Variants in ACVR1C observed in about 807,000 individuals in gnomAD.
ACVR1C encodes the protein activin receptor type-1C.
ACVR1C carries 23 observed loss-of-function variants against 57.9 expected under a neutral mutation model. That is an observed-to-expected ratio of 0.40 (90% CI 0.29 to 0.56). ACVR1C has a LOEUF of 0.56. ACVR1C is among the 20% of genes least tolerant of loss of function. ACVR1C has a pLI of 0.50. For synonymous variants in ACVR1C, 214 were observed against 215.3 expected (o/e 0.99, Z 0.05); for missense variants, 480 against 607.9 (o/e 0.79, Z 2.21).
chr2:157,600,606 A>G (rs1320314234), intron 1 of ACVR1C, among the ~76,000 whole-genome samples: 2 of 152,228 alleles, frequency 1.3e-5, no homozygotes, highest in African/African-American at 4.8e-5. Flanking sequence ...TTTTACCACA[A>G]TCCACAGTTA....
At chr2:157,544,392 G>A in intron 5 of ACVR1C, 53 bp downstream of exon 5, 2 of 1,471,514 alleles carry the variant, frequency 1.4e-6, no homozygotes, top group Non-Finnish European at 9.2e-7. Flanking sequence ...ATATAACTAA[G>A]TACCTCTATC....
At chr2:157,576,837 T>TAATGAGAATA (rs1558984202) in intron 2 of ACVR1C, among the ~76,000 whole-genome samples, 5 of 49,958 alleles carry the variant, frequency 1.0e-4, no homozygotes, top group South Asian at 5.0e-4. Context: ...GAAATTTTCT[T>TAATGAGAATA]TTTTTTTTTT....
At position 157,542,818 on chromosome 2, in the gene ACVR1C, A is replaced by T; in HGVS notation, c.988T>A (p.Leu330Ile). ...AHRDIKSKNI[L>I]VKKCETCAIA... ...GCACAAGTTTCACACTTTTTCACTA[A>T]GATATTCTTTGATTTTATGTCTCGA... Residue 330 changes from leucine to isoleucine, a missense_variant, in exon 6 of 9, where the codon TTA (leucine) becomes ATA (isoleucine). By Grantham distance (5) the Leu-to-Ile change is conservative. Coordinates refer to ENST00000243349, the MANE Select transcript of ACVR1C (RefSeq NM_145259.3). The T allele has an allele frequency of 6.2e-7, 1 of 1,614,078 alleles. No homozygotes were observed. The highest frequency in any genetic ancestry group is 8.5e-7 in the Non-Finnish European group (1 of 1,179,972).
At chr2:157,535,998 G>A (rs1687478377) in intron 8 of ACVR1C, among the ~76,000 whole-genome samples, 1 of 152,020 alleles carries the variant, frequency 6.6e-6, no homozygotes, top group African/African-American at 2.4e-5. Context: ...GAGTCTAAAT[G>A]CTCTAAAATA....
chr2:157,533,822 GA>G lies in ACVR1C; in HGVS notation c.*95del. On this transcript the variant is annotated 3_prime_UTR_variant, in exon 9 of 9. Coordinates refer to ENST00000243349, the MANE Select transcript of ACVR1C (RefSeq NM_145259.3). Reference sequence around the variant, plus strand: ...TTAAATACTGTACTGTCTTATCTTTGAGGTAGAACAAAAAAAAAATGGCAAA... The same window carrying G: ...TTAAATACTGTACTGTCTTATCTTTGGGTAGAACAAAAAAAAAATGGCAAA... 1 of 1,285,690 alleles carries G rather than the reference GA, an allele frequency of 7.8e-7. No homozygotes were observed. Among genetic ancestry groups the G allele is most frequent in the Non-Finnish European group, 1.0e-6 (1 of 967,586 alleles). The allele number at this position is 1,285,690 out of a possible 1,614,324, so 79.6% of individuals were successfully genotyped here.
intron 1 of ACVR1C, among the ~76,000 whole-genome samples, chr2:157,598,082 T>C (rs1432007157): frequency 6.6e-6 from 1 of 152,066 alleles, no homozygotes; most frequent in Non-Finnish European, 1.5e-5. Context: ...CATAAAATCA[T>C]ACCTGATAAT....
intron 5 of ACVR1C, among the ~76,000 whole-genome samples, chr2:157,543,679 C>T (rs1297473906): frequency 6.6e-6 from 1 of 152,172 alleles, no homozygotes; most frequent in Non-Finnish European, 1.5e-5. Context: ...CCTGTCTAGA[C>T]TAATTGACTC....
chr2:157,546,923 C>G (rs544868401), intron 4 of ACVR1C, among the ~76,000 whole-genome samples: 3 of 151,136 alleles, frequency 2.0e-5, no homozygotes, highest in Admixed American at 1.3e-4. Context: ...CCCACTAACT[C>G]GTCATCTAGC....
rs1213006971 is a variant in ACVR1C, at chr2:157,550,032, AG to A, written c.775+129del. 8.5e-4 allele frequency: 655 copies of A among 769,940 alleles called. 2 individuals carry two copies. In the African/African-American group the frequency reaches 0.011, roughly 12 times the overall value. The allele number at this position is 769,940 out of a possible 1,614,324, so 47.7% of individuals were successfully genotyped here. A position where few individuals can be genotyped will look rare whatever the true frequency, so the allele number is the denominator to read the frequency against. On this transcript the variant is annotated intron_variant, in intron 4 of 8. Coordinates refer to ENST00000243349, the MANE Select transcript of ACVR1C (RefSeq NM_145259.3). Reference sequence around the variant, plus strand: ...AAAAAAAAAAAGAAAGAAAAGGAAAAGGAAAAAAAAAAAAAGAAGAGGTGAA... The same window carrying A: ...AAAAAAAAAAAGAAAGAAAAGGAAAAGAAAAAAAAAAAAAGAAGAGGTGAA...
intron 1 of ACVR1C, among the ~76,000 whole-genome samples, chr2:157,601,349 G>T (rs1371396744): frequency 6.6e-6 from 1 of 151,968 alleles, no homozygotes; most frequent in Non-Finnish European, 1.5e-5. Context: ...AAATAAAAAA[G>T]AAGGTAGGTT....
chr2:157,574,957 T>C (rs554202732), intron 2 of ACVR1C, among the ~76,000 whole-genome samples: 1 of 152,226 alleles, frequency 6.6e-6, no homozygotes, highest in East Asian at 1.9e-4. Context: ...TTCTGTTTTG[T>C]ATTTTTTATT....
At chr2:157,554,186 A>G (rs534840233) in intron 3 of ACVR1C, among the ~76,000 whole-genome samples, 1 of 147,546 alleles carries the variant, frequency 6.8e-6, no homozygotes, top group South Asian at 2.1e-4. Flanking sequence ...CTGGAAAAAA[A>G]AAAAATAAAG....
chr2:157,545,012 G>C (rs1687717458), intron 4 of ACVR1C, among the ~76,000 whole-genome samples: 1 of 152,024 alleles, frequency 6.6e-6, no homozygotes, highest in Non-Finnish European at 1.5e-5. Flanking sequence ...ATAAAGATCA[G>C]AAATATAACA....
At chr2:157,623,854 C>T (rs763399931) in intron 1 of ACVR1C, among the ~76,000 whole-genome samples, 4 of 151,884 alleles carry the variant, frequency 2.6e-5, no homozygotes, top group Admixed American at 6.6e-5. Context: ...CTCATGTACC[C>T]CATACATATA....
chr2:157,594,419 G>T (rs1272616358), intron 1 of ACVR1C, among the ~76,000 whole-genome samples: 4 of 152,160 alleles, frequency 2.6e-5, no homozygotes, highest in Non-Finnish European at 4.4e-5. Context: ...TGAAAAGAGA[G>T]AATTGGTGTT....
At chr2:157,550,019 A>T (rs1266022278) in intron 4 of ACVR1C, 143 bp downstream of exon 4, 1 of 738,840 alleles carries the variant, frequency 1.4e-6, no homozygotes, top group Non-Finnish European at 2.1e-6. Flanking sequence ...AAAAAAAAAG[A>T]AAGAAAAGGA....
At chr2:157,573,146 A>G (rs1421721082) in intron 2 of ACVR1C, among the ~76,000 whole-genome samples, 1 of 152,200 alleles carries the variant, frequency 6.6e-6, no homozygotes, top group East Asian at 1.9e-4. Flanking sequence ...AGTTTTTGAT[A>G]AATTCGATTT....
chr2:157,611,508 C>T (rs1424029352), intron 1 of ACVR1C, among the ~76,000 whole-genome samples: 1 of 151,902 alleles, frequency 6.6e-6, no homozygotes, highest in African/African-American at 2.4e-5. Context: ...CTTGGGCCTC[C>T]AGGTGGCTGC....
At chr2:157,627,481 T>G (rs1467274770) in intron 1 of ACVR1C, among the ~76,000 whole-genome samples, 1 of 152,218 alleles carries the variant, frequency 6.6e-6, no homozygotes, top group Non-Finnish European at 1.5e-5. Flanking sequence ...TATTTAGTGA[T>G]TCTCTCAGGC....
Sources: allele counts gnomAD v4.1 joint callset (sites outside exome capture counted in the v4.1 genomes callset), GRCh38; gene constraint gnomAD v4.1.1; transcripts MANE v1.5; gene names NCBI Gene and HGNC (gene_info 2026-07-23, HGNC 2026-07-21).